SEC16A: variants seen among roughly 807,000 people sequenced by gnomAD.
SEC16A encodes the protein SEC16 homolog A, endoplasmic reticulum export factor.
SEC16A carries 110 observed loss-of-function variants against 221.9 expected under a neutral mutation model. The ratio of observed to expected loss-of-function variants is 0.50; its 90% confidence interval spans 0.42 to 0.58. SEC16A has a LOEUF of 0.58. Among genes scored for constraint, SEC16A ranks in the 20% least tolerant of loss-of-function variants. SEC16A has a pLI of 0.00. For synonymous variants in SEC16A, 1,393 were observed against 1,257.7 expected, an observed-to-expected ratio of 1.11 and a Z score of -2.28; for missense variants, 3,165 against 3,097.8, an observed-to-expected ratio of 1.02 and a Z score of -0.52.
chr9:136,456,018 A>G, intron 19 of SEC16A, 35 bp downstream of exon 19: 1 of 1,540,030 alleles, frequency 6.5e-7, no homozygotes, highest in Non-Finnish European at 8.9e-7. Flanking sequence ...CCACCTTGCC[A>G]GACGCCTCTG....
chr9:136,474,759 C>T lies in SEC16A; in HGVS notation c.2857G>A (p.Gly953Arg), dbSNP rs763734645. The T allele has an allele frequency of 9.9e-6, 16 of 1,613,936 alleles. No homozygotes were observed. The highest frequency in any genetic ancestry group is 2.2e-5 in the South Asian group (2 of 91,088). The change falls in exon 3 of 32, where the codon GGA (glycine) becomes AGA (arginine). Residue 953 changes from glycine (G) to arginine (R), a missense_variant. Physicochemically the swap from Gly to Arg is moderately radical, Grantham distance 125 (BLOSUM62 -2). This residue lies in a region of SEC16A where 2,030 missense variants were observed against 1,923.1 expected (regional missense o/e 1.06). Coordinates refer to ENST00000684901, the MANE Select transcript of SEC16A (RefSeq NM_014866.2). ...CTTCCAGCAGGGCTATTAGCAAATC[C>T]GGGAAGAGCACTTCCTGCCTTACGA... ...KDRKAGSALPGFANSPAGSTS... is the reference protein window; with the variant it reads ...KDRKAGSALPRFANSPAGSTS...
intron 17 of SEC16A, among the ~76,000 whole-genome samples, chr9:136,458,489 G>A (rs985013128): frequency 6.6e-6 from 1 of 152,040 alleles, no homozygotes; most frequent in Non-Finnish European, 1.5e-5. Context: ...TTAGCCGGGC[G>A]TGGTCGTGGG....
intron 4 of SEC16A, 59 bp from the exon 5 acceptor site, chr9:136,468,571 C>T (rs1840450261): frequency 9.1e-7 from 1 of 1,100,364 alleles, no homozygotes; most frequent in Non-Finnish European, 1.4e-6. Flanking sequence ...AGTGTGACAT[C>T]AGCCAATACA....
chr9:136,451,491 G>T, intron 22 of SEC16A, 83 bp from the exon 23 acceptor site: 1 of 1,440,782 alleles, frequency 6.9e-7, no homozygotes, highest in Non-Finnish European at 9.3e-7. Flanking sequence ...TTCCCCAGGC[G>T]TGTTTCCTAA....
chr9:136,452,753 G>A (rs374609429), intron 22 of SEC16A, among the ~76,000 whole-genome samples: 40 of 117,024 alleles, frequency 3.4e-4, no homozygotes, highest in Non-Finnish European at 2.7e-4. Context: ...GCGACAGAGC[G>A]AAACTATGTC....
At chr9:136,448,260 C>A (rs1225136067) in intron 23 of SEC16A, 99 bp from the exon 24 acceptor site, 24 of 982,356 alleles carry the variant, frequency 2.4e-5, no homozygotes, top group Non-Finnish European at 3.8e-5. Flanking sequence ...TTCTGTGAGG[C>A]CCCAGAGTCG....
rs1402069113 is a variant in SEC16A at position 136,440,379 on chromosome 9, A to G, written c.*1376T>C. On this transcript the variant is annotated 3_prime_UTR_variant, in exon 32 of 32. Coordinates refer to ENST00000684901, the MANE Select transcript of SEC16A (RefSeq NM_014866.2). ...ACGCCTGTGGAACATTTTGGAAAAC[A>G]TCCTGGGTGGTCTGGGCTAAATGAT... The G allele has an allele frequency of 6.6e-6, 1 of 152,524 alleles. No homozygotes were observed. Among genetic ancestry groups the G allele is most frequent in the African/African-American group, 2.4e-5 (1 of 41,452 alleles). 9.4% of individuals were successfully genotyped at this position (152,524 alleles called of 1,614,324 possible). A position where few individuals can be genotyped will look rare whatever the true frequency, so the allele number is the denominator to read the frequency against.
chr9:136,484,639 G>A, upstream of SEC16A: 1 of 1,365,100 alleles, frequency 7.3e-7, no homozygotes, highest in Non-Finnish European at 9.8e-7. Flanking sequence ...CAGCTGGGCC[G>A]GCGGCTGGTG....
chr9:136,445,718 A>G lies in SEC16A; in HGVS notation c.6794T>C (p.Val2265Ala). Reference protein sequence around the residue: ...ANPEPAPEPKVLSSAASLPGS... With the variant: ...ANPEPAPEPKALSSAASLPGS... ...AGGGAGTGACGCTGCAGAGCTTAAA[A>G]CCTGCCGAGGAAAAGAAGAATTGCA... The change falls in exon 29 of 32, where the codon GTT (valine) becomes GCT (alanine). Residue 2265 changes from valine to alanine, a missense_variant and splice_region_variant. Physicochemically the swap from Val to Ala is moderately conservative, Grantham distance 64. Transcript: ENST00000684901. 1 of 1,552,288 alleles carries G rather than the reference A, an allele frequency of 6.4e-7. No individual in the cohort carries two copies. Among genetic ancestry groups the G allele is most frequent in the Non-Finnish European group, 8.7e-7 (1 of 1,148,016 alleles).
intron 23 of SEC16A, among the ~76,000 whole-genome samples, chr9:136,450,376 G>A (rs777691651): frequency 6.6e-6 from 1 of 151,952 alleles, no homozygotes; most frequent in East Asian, 1.9e-4. Flanking sequence ...AGGAAAGCCA[G>A]GTGTGGTGGC....
In SEC16A at chr9:136,462,918, A is replaced by C. The variant is rs1268518537; in HGVS notation, c.4862T>G (p.Phe1621Cys). The C allele has an allele frequency of 6.2e-7, 1 of 1,602,716 alleles. No homozygotes were observed. Among genetic ancestry groups the C allele is most frequent in the Non-Finnish European group, 8.5e-7 (1 of 1,179,820 alleles). ...ACGGCCATACAGCAACAGCTCCCTG[A>C]ACCTCTCGGTCTCTCTCTCGAGCGA... is the stretch of plus-strand genomic sequence containing the variant. Reference protein sequence around the residue: ...ASSLERETERFRELLLYGRKK... With the variant: ...ASSLERETERCRELLLYGRKK... Residue 1621 changes from phenylalanine (F) to cysteine (C), a missense_variant, in exon 12 of 32, where the codon TTC becomes TGC. By Grantham distance (205) the Phe-to-Cys change is radical. Around this residue, in one of 3 missense-constraint regions of SEC16A, gnomAD observed 1,088 missense variants for 1,089.6 expected, o/e 1.00. Transcript: ENST00000684901.
chr9:136,448,917 G>T, intron 23 of SEC16A: 1 of 679,020 alleles, frequency 1.5e-6, no homozygotes, highest in Non-Finnish European at 2.7e-6. Context: ...TTGGGAAGGT[G>T]AGACAGTTCT....
rs1841435731 is a variant in SEC16A at position 136,475,042 on chromosome 9, G to A, written c.2574C>T (p.Ser858=). The A allele has an allele frequency of 6.2e-7, 1 of 1,613,634 alleles. No homozygotes were observed. Among genetic ancestry groups the A allele is most frequent in the Non-Finnish European group, 8.5e-7 (1 of 1,179,866 alleles). Residue 858 remains serine (S), a synonymous_variant, in exon 3 of 32, where the codon TCC becomes TCT. Coordinates refer to ENST00000684901, the MANE Select transcript of SEC16A (RefSeq NM_014866.2). This position sits in a 1 kb window ranked among gnomAD's most constrained non-coding sequence, Gnocchi z 5.0. The part of the protein sequence containing the change: ...SLSNSHEKNQ[S]WREALVGDRP... ...TATCCCCCACCAAAGCCTCTCTCCAGGACTGATTCTTCTCATGAGAGTTCG... is the reference window on the plus strand; with the variant it reads ...TATCCCCCACCAAAGCCTCTCTCCAAGACTGATTCTTCTCATGAGAGTTCG...
intron 28 of SEC16A, 91 bp from the exon 29 acceptor site, chr9:136,445,810 G>A (rs1836895700): frequency 1.7e-6 from 2 of 1,169,648 alleles, no homozygotes; most frequent in Non-Finnish European, 2.4e-6. Context: ...GTTCTGGCCT[G>A]GGTTACAAAC....
chr9:136,445,985 C>G (rs1014874042), intron 28 of SEC16A, among the ~76,000 whole-genome samples: 2 of 152,042 alleles, frequency 1.3e-5, no homozygotes, highest in Non-Finnish European at 2.9e-5. Context: ...TCCCATTTTA[C>G]AGAGGGGAAA....
upstream of SEC16A, chr9:136,483,520 C>T (rs1842684458): frequency 2.0e-6 from 2 of 985,102 alleles, no homozygotes; most frequent in South Asian, 9.3e-5. Context: ...CGCTTGGCCC[C>T]GCCCCTCGCC....
At chr9:136,453,084 G>GA (rs1168642860) in intron 22 of SEC16A, among the ~76,000 whole-genome samples, 940 of 83,500 alleles carry the variant, frequency 0.011, 13 homozygotes, top group African/African-American at 0.029. Flanking sequence ...AAAAAAAAAA[G>GA]AAAAAAAAAA....
Position 136,475,695 on chromosome 9 carries a change from G to A in SEC16A, c.1921C>T (p.Arg641Cys), listed in dbSNP as rs541006177. 111 of 1,613,466 alleles carry A rather than the reference G, an allele frequency of 6.9e-5. 1 individual carries two copies. The East Asian group carries it at 6.9e-4, about 10-fold the overall frequency. ...VVGEVRETCV[R>C]QKQCRPAAAL... is the part of the protein sequence containing the mutation. ...GCAGCTGGTCTGCACTGCTTCTGGC[G>A]GACACAGGTCTCCCTTACTTCACCA... The change falls in exon 3 of 32, where the codon CGC becomes TGC. Residue 641 changes from arginine (R) to cysteine (C), a missense_variant. Coordinates refer to ENST00000684901, the MANE Select transcript of SEC16A (RefSeq NM_014866.2). This position sits in a 1 kb window ranked among gnomAD's most constrained non-coding sequence, Gnocchi z 5.0.
chr9:136,446,839 C>G lies in SEC16A; in HGVS notation c.6792+16G>C. ...CTCACTGGGTACCTTTCCCCTTTCC[C>G]ACCGTACCCGCTCACCTTGGGCTCT... On this transcript the variant is annotated intron_variant, in intron 28 of 31. Coordinates refer to ENST00000684901, the MANE Select transcript of SEC16A (RefSeq NM_014866.2). 6.3e-7 allele frequency: 1 copy of G among 1,585,066 alleles called. No individual in the cohort carries two copies. The highest frequency in any genetic ancestry group is 1.2e-5 in the South Asian group (1 of 86,640).
Sources: gnomAD v4.1 joint callset for allele counts (sites outside exome capture counted in the v4.1 genomes callset) on GRCh38, gnomAD v4.1.1 for gene constraint, gnomAD v4.1.1 regional missense constraint, Gnocchi (gnomAD v3.1) non-coding constraint, MANE v1.5 for transcripts, NCBI Gene and HGNC (gene_info 2026-07-23, HGNC 2026-07-21) for gene names.